Variants in UMAD1 observed in about 807,000 individuals in gnomAD.
UMAD1 encodes UBAP1-MVB12-associated (UMA)-domain containing protein 1.
UMAD1 carries 8 observed loss-of-function variants against 6.1 expected under a neutral mutation model. That is an observed-to-expected ratio of 1.30 (90% CI 0.76 to 2.35). UMAD1 has a LOEUF of 2.35. Ranked by LOEUF, UMAD1 falls within the 30% of genes most tolerant of loss-of-function variation. UMAD1 has a pLI of 0.00. For synonymous variants in UMAD1, 56 were observed against 31.4 expected, an observed-to-expected ratio of 1.78 and a Z score of -2.61; for missense variants, 130 against 78.4, an observed-to-expected ratio of 1.66 and a Z score of -2.49.
intron 3 of UMAD1, among the ~76,000 whole-genome samples, chr7:7,871,736 C>A (rs1382294243): frequency 3.3e-5 from 5 of 151,868 alleles, no homozygotes; most frequent in Non-Finnish European, 7.4e-5. Flanking sequence ...GCAGTTTTAT[C>A]AGGATAACTT....
intron 1 of UMAD1, among the ~76,000 whole-genome samples, chr7:7,661,575 T>C (rs1447977039): frequency 6.6e-6 from 1 of 152,144 alleles, no homozygotes; most frequent in Non-Finnish European, 1.5e-5. Flanking sequence ...GTGCTGCAGG[T>C]CTGCTGAAGT....
intron 1 of UMAD1, among the ~76,000 whole-genome samples, chr7:7,662,052 C>T (rs529531333): frequency 3.5e-4 from 54 of 152,286 alleles, no homozygotes; most frequent in African/African-American, 1.3e-3. Context: ...AGCGGCTTTG[C>T]TGAGCTGTGG....
At chr7:7,856,755 TA>T (rs1290817963) in intron 3 of UMAD1, among the ~76,000 whole-genome samples, 1 of 152,226 alleles carries the variant, frequency 6.6e-6, no homozygotes, top group Admixed American at 6.5e-5. Context: ...TAAGCCATAC[TA>T]GGGGACAATA....
intron 1 of UMAD1, among the ~76,000 whole-genome samples, chr7:7,655,841 G>T (rs370283765): frequency 8.1e-5 from 12 of 148,036 alleles, no homozygotes; most frequent in African/African-American, 2.5e-4. Flanking sequence ...CTCTCTCTTT[G>T]TTTTTGTTTT....
In UMAD1 at chr7:7,799,151, T is replaced by C. The variant is rs1162231529; in HGVS notation, c.83-2519T>C. On this transcript the variant is annotated intron_variant, in intron 2 of 3. Transcript: ENST00000682710. ...ATAGAAAATAACTGAATTTTTACCA[T>C]AATAAAATAATTCTTCAAGGGGTGG... Among the ~76,000 whole-genome samples, 3 of 152,366 alleles carry C rather than the reference T, an allele frequency of 2.0e-5. No individual in the cohort carries two copies. In the East Asian group the frequency reaches 5.8e-4, roughly 29 times the overall value.
At chr7:7,839,940 A>G (rs1322775220) in intron 3 of UMAD1, among the ~76,000 whole-genome samples, 1 of 152,204 alleles carries the variant, frequency 6.6e-6, no homozygotes, top group Non-Finnish European at 1.5e-5. Flanking sequence ...AGTTGGCAGA[A>G]AATTGGGCTT....
At chr7:7,773,660 G>T in intron 2 of UMAD1, among the ~76,000 whole-genome samples, 1 of 152,108 alleles carries the variant, frequency 6.6e-6, no homozygotes, top group East Asian at 1.9e-4. Flanking sequence ...TTTTTATACA[G>T]ATTGCCCAAC....
chr7:7,804,933 A>T (rs562338445), intron 3 of UMAD1, among the ~76,000 whole-genome samples: 18 of 152,162 alleles, frequency 1.2e-4, no homozygotes, highest in African/African-American at 4.3e-4. Flanking sequence ...GTGAGCCGAG[A>T]TCACACCACT....
intron 2 of UMAD1, among the ~76,000 whole-genome samples, chr7:7,780,755 TATG>T (rs1382901918): frequency 5.9e-5 from 9 of 152,236 alleles, no homozygotes; most frequent in South Asian, 2.1e-4. Flanking sequence ...CACTAAAGAT[TATG>T]ATGTTTGTGA....
chr7:7,647,007 G>A (rs917324947), intron 1 of UMAD1, among the ~76,000 whole-genome samples: 4 of 152,272 alleles, frequency 2.6e-5, no homozygotes, highest in Admixed American at 6.5e-5. Context: ...CCGCTTGTCC[G>A]TATCAGTTAC....
At chr7:7,860,911 T>C (rs573393774) in intron 3 of UMAD1, among the ~76,000 whole-genome samples, 4 of 152,204 alleles carry the variant, frequency 2.6e-5, no homozygotes, top group Non-Finnish European at 5.9e-5. Flanking sequence ...TGAAATCTTA[T>C]TCAGCCTTAA....
chr7:7,832,002 C>T (rs1783476701), intron 3 of UMAD1, among the ~76,000 whole-genome samples: 1 of 152,068 alleles, frequency 6.6e-6, no homozygotes, highest in South Asian at 2.1e-4. Flanking sequence ...CAGTTTTTGC[C>T]TGAACAACTA....
In UMAD1 at chr7:7,854,144, C is replaced by A. The variant is rs10281142; in HGVS notation, c.157-23137C>A. Among the ~76,000 whole-genome samples, 6 of 151,658 alleles carry A rather than the reference C, an allele frequency of 4.0e-5. No individual in the cohort carries two copies. The South Asian group carries it at 1.3e-3, about 32-fold the overall frequency. On this transcript the variant is annotated intron_variant, in intron 3 of 3. Coordinates refer to ENST00000682710, the MANE Select transcript of UMAD1 (RefSeq NM_001302348.2). ...GCCAAGGCAAGCAGATCCCCTGAGG[C>A]TGGAAGTTTGAGATCAGCCTGACCA...
At chr7:7,654,061 A>T (rs1243599472) in intron 1 of UMAD1, among the ~76,000 whole-genome samples, 4 of 152,208 alleles carry the variant, frequency 2.6e-5, no homozygotes, top group Admixed American at 2.6e-4. Context: ...AAGAAGCAGT[A>T]GAGAAAAAAG....
chr7:7,704,457 A>G (rs2115159593), intron 2 of UMAD1, among the ~76,000 whole-genome samples: 1 of 152,044 alleles, frequency 6.6e-6, no homozygotes, highest in South Asian at 2.1e-4. Context: ...AACTGCTGCC[A>G]TAAAGAATTG....
At chr7:7,686,824 A>T (rs962554753) in intron 2 of UMAD1, among the ~76,000 whole-genome samples, 2 of 152,198 alleles carry the variant, frequency 1.3e-5, no homozygotes, top group Non-Finnish European at 1.5e-5. Context: ...ATAAGAAGAA[A>T]TGTTGTGTTG....
intron 2 of UMAD1, among the ~76,000 whole-genome samples, chr7:7,801,234 C>A (rs1782792704): frequency 6.6e-6 from 1 of 152,302 alleles, no homozygotes; most frequent in African/African-American, 2.4e-5. Flanking sequence ...TATAAACATA[C>A]ACATCTACTC....
At chr7:7,751,253 G>T (rs796606860) in intron 2 of UMAD1, among the ~76,000 whole-genome samples, 2 of 152,154 alleles carry the variant, frequency 1.3e-5, no homozygotes, top group African/African-American at 2.4e-5. Context: ...TTTTATAAAT[G>T]AGAGATAATT....
At chr7:7,831,344 C>G (rs889150243) in intron 3 of UMAD1, among the ~76,000 whole-genome samples, 1 of 152,170 alleles carries the variant, frequency 6.6e-6, no homozygotes, top group African/African-American at 2.4e-5. Context: ...CATATCAATT[C>G]TCTGTACTCT....
Sources: gnomAD v4.1 joint callset for allele counts (sites outside exome capture counted in the v4.1 genomes callset) on GRCh38, gnomAD v4.1.1 for gene constraint, MANE v1.5 for transcripts, NCBI Gene and HGNC (gene_info 2026-07-23, HGNC 2026-07-21) for gene names.